The following PDE8B variants were observed in gnomAD, a reference collection of about 807,000 sequenced individuals.
PDE8B encodes phosphodiesterase 8B.
A neutral mutation model predicts 101.3 loss-of-function variants in PDE8B; 26 were observed. The ratio of observed to expected loss-of-function variants is 0.26; its 90% CI spans 0.19 to 0.36. PDE8B has a LOEUF of 0.36. Among genes scored for constraint, PDE8B ranks in the 10% least tolerant of loss-of-function variants. The pLI, the probability that PDE8B is intolerant of heterozygous loss-of-function variation, is 1.00. For missense variants in PDE8B, 810 were observed against 1,163.1 expected (o/e 0.70, Z 4.42); for synonymous variants, 424 against 429.3 (o/e 0.99, Z 0.15).
chr5:77,414,582 A>T, intron 17 of PDE8B, among the ~76,000 whole-genome samples: 1 of 141,668 alleles, frequency 7.1e-6, no homozygotes, highest in Non-Finnish European at 1.5e-5. Flanking sequence ...CACCATGCCC[A>T]GCCGATTTTT....
chr5:77,334,403 T>A (rs1777721209), intron 5 of PDE8B, among the ~76,000 whole-genome samples: 1 of 152,208 alleles, frequency 6.6e-6, no homozygotes, highest in African/African-American at 2.4e-5. Flanking sequence ...AACCAGCATC[T>A]TAGCAAAGGA....
the PDE8B span, among the ~76,000 whole-genome samples, chr5:77,172,960 T>G: frequency 6.6e-6 from 1 of 152,234 alleles, no homozygotes; most frequent in Non-Finnish European, 1.5e-5. Context: ...TTGATTTGGA[T>G]GCATGTTACA....
chr5:77,152,509 T>C, the PDE8B span, among the ~76,000 whole-genome samples: 2 of 152,278 alleles, frequency 1.3e-5, no homozygotes, highest in Non-Finnish European at 2.9e-5. Flanking sequence ...GAGACTCACT[T>C]GCCACAAAGC....
At chr5:77,237,887 C>T (rs1410480121) in intron 1 of PDE8B, among the ~76,000 whole-genome samples, 1 of 152,094 alleles carries the variant, frequency 6.6e-6, no homozygotes, top group East Asian at 1.9e-4. Flanking sequence ...AACAGGTTCC[C>T]CCCACCCCAG....
chr5:77,301,336 G>A (rs552977122), intron 1 of PDE8B, among the ~76,000 whole-genome samples: 4 of 152,184 alleles, frequency 2.6e-5, no homozygotes, highest in Non-Finnish European at 5.9e-5. Flanking sequence ...TTTAGCAGGT[G>A]GTTTCTGTTT....
At chr5:77,275,011 C>A (rs965696270) in intron 1 of PDE8B, among the ~76,000 whole-genome samples, 3 of 151,356 alleles carry the variant, frequency 2.0e-5, no homozygotes, top group African/African-American at 7.3e-5. Flanking sequence ...CTGAGAAATG[C>A]AAAAAAAATG....
rs1206552680 is a variant in PDE8B at position 77,427,545 on chromosome 5, C to T, written c.*991C>T. On this transcript the variant is annotated 3_prime_UTR_variant, in exon 22 of 22. Transcript: ENST00000264917. ...AGGGGATAGGGGAAGTTTCAAGGTT[C>T]AGATATTTTTAACCAGTCTATATTT... The T allele has an allele frequency of 6.6e-6, 1 of 152,108 alleles. No individual in the cohort carries two copies. The highest frequency in any genetic ancestry group is 1.5e-5 in the Non-Finnish European group (1 of 68,022). 9.4% of individuals were successfully genotyped at this position (152,108 alleles called of 1,614,324 possible). A position where few individuals can be genotyped will look rare whatever the true frequency, so the allele number is the denominator to read the frequency against.
At chr5:77,424,263 G>A (rs186240267) in intron 20 of PDE8B, among the ~76,000 whole-genome samples, 11 of 152,290 alleles carry the variant, frequency 7.2e-5, no homozygotes, top group Middle Eastern at 3.4e-3. Flanking sequence ...TGTTCTCAGT[G>A]TGAATGGAGG....
At chr5:77,358,479 AC>A in intron 10 of PDE8B, 1 of 981,728 alleles carries the variant, frequency 1.0e-6, no homozygotes, top group Non-Finnish European at 1.2e-6. Context: ...TAGGGCGGGG[AC>A]TGTGGGTTAT....
intron 10 of PDE8B, among the ~76,000 whole-genome samples, chr5:77,359,267 A>G (rs1481864443): frequency 1.3e-5 from 2 of 152,216 alleles, no homozygotes; most frequent in African/African-American, 2.4e-5. Flanking sequence ...TGATCATGCC[A>G]GGCTCTGTGA....
At chr5:77,095,243 C>T in the PDE8B span, among the ~76,000 whole-genome samples, 1 of 152,162 alleles carries the variant, frequency 6.6e-6, no homozygotes, top group Non-Finnish European at 1.5e-5. Context: ...TGTTTGGCCC[C>T]TCAGAAAGTC....
chr5:77,200,053 CA>C, the PDE8B span, among the ~76,000 whole-genome samples: 1 of 110,182 alleles, frequency 9.1e-6, no homozygotes, highest in Non-Finnish European at 1.9e-5. Context: ...AAAAGAAAAG[CA>C]AGTACTGTAC....
chr5:77,327,008 G>A (rs1201454841), intron 3 of PDE8B, among the ~76,000 whole-genome samples: 2 of 152,160 alleles, frequency 1.3e-5, no homozygotes, highest in African/African-American at 2.4e-5. Context: ...ATATTTCTGT[G>A]TTAGCTGCAC....
chr5:77,286,149 A>G (rs1011072147), intron 1 of PDE8B, among the ~76,000 whole-genome samples: 40 of 152,024 alleles, frequency 2.6e-4, no homozygotes, highest in Non-Finnish European at 2.5e-4. Flanking sequence ...GAGGCTCTTT[A>G]TTGTTTCATT....
intron 1 of PDE8B, among the ~76,000 whole-genome samples, chr5:77,233,806 T>G (rs941086704): frequency 6.6e-6 from 1 of 152,020 alleles, no homozygotes; most frequent in Non-Finnish European, 1.5e-5. Flanking sequence ...GAGTTTTTTT[T>G]TTTTTTAATT....
chr5:77,138,153 G>A, the PDE8B span, among the ~76,000 whole-genome samples: 14 of 152,262 alleles, frequency 9.2e-5, no homozygotes, highest in African/African-American at 3.1e-4. Context: ...GCATTTATGA[G>A]GAGAAGGAGA....
At chr5:77,383,986 A>G (rs1788043779) in intron 10 of PDE8B, among the ~76,000 whole-genome samples, 1 of 152,122 alleles carries the variant, frequency 6.6e-6, no homozygotes, top group Non-Finnish European at 1.5e-5. Flanking sequence ...TTCCATTTGA[A>G]ATTTAAAGTA....
intron 1 of PDE8B, among the ~76,000 whole-genome samples, chr5:77,215,760 G>T (rs1228959246): frequency 6.6e-6 from 1 of 152,184 alleles, no homozygotes; most frequent in Non-Finnish European, 1.5e-5. Flanking sequence ...AATCAAAATA[G>T]GAAGGAGGGA....
chr5:77,098,028 G>A, the PDE8B span, among the ~76,000 whole-genome samples: 2 of 142,780 alleles, frequency 1.4e-5, no homozygotes, highest in Non-Finnish European at 3.2e-5. Context: ...TTCCCTAAAT[G>A]CAATGGCTAA....
Sources: allele counts gnomAD v4.1 joint callset (sites outside exome capture counted in the v4.1 genomes callset), GRCh38; gene constraint gnomAD v4.1.1; transcripts MANE v1.5; gene names NCBI Gene and HGNC (gene_info 2026-07-23, HGNC 2026-07-21).